The following PCSK7 variants were observed in gnomAD, a reference collection of about 807,000 sequenced individuals.
PCSK7 encodes lymphoma proprotein convertase.
A neutral mutation model predicts 73.3 loss-of-function variants in PCSK7; 38 were observed. That is an observed-to-expected ratio of 0.52 (90% CI 0.40 to 0.68). The LOEUF (loss-of-function observed/expected upper bound fraction) is 0.68. Ranked by LOEUF, PCSK7 falls within the 30% of genes least tolerant of loss-of-function variation. The pLI, the probability that PCSK7 is intolerant of heterozygous loss-of-function variation, is 0.00. For missense variants in PCSK7, 692 were observed against 991.5 expected, an observed-to-expected ratio of 0.70 and a Z score of 4.06; for synonymous variants, 296 against 383.8, an observed-to-expected ratio of 0.77 and a Z score of 2.68.
rs2031295683 is a variant in PCSK7 at position 117,205,183 on chromosome 11, G to A, written c.*814C>T. 4.3e-6 allele frequency: 1 copy of A among 233,276 alleles called. No homozygotes were observed. The highest frequency in any genetic ancestry group is 2.2e-5 in the African/African-American group (1 of 45,320). 14.5% of individuals were successfully genotyped at this position (233,276 alleles called of 1,614,324 possible). A position where few individuals can be genotyped will look rare whatever the true frequency, so the allele number is the denominator to read the frequency against. ...GCATTAAAAAAAATTCAACCAACTA[G>A]CTCAGAAGAGGGGAGAAGGCCAAGG... On this transcript the variant is annotated 3_prime_UTR_variant, in exon 17 of 17. Transcript: ENST00000320934.
chr11:117,206,465 T>G, intron 16 of PCSK7, 109 bp from the exon 17 acceptor site: 1 of 1,471,780 alleles, frequency 6.8e-7, no homozygotes, highest in Non-Finnish European at 9.1e-7. Context: ...GGGACTGCCT[T>G]TTTCACCCAA....
In PCSK7 at chr11:117,205,437, C is replaced by T. The variant is rs1053044352; in HGVS notation, c.*560G>A. The T allele has an allele frequency of 3.0e-5, 7 of 233,814 alleles. No homozygotes were observed. Among genetic ancestry groups the T allele is most frequent in the East Asian group, 1.8e-4 (3 of 16,582 alleles). The allele number at this position is 233,814 out of a possible 1,614,324, so 14.5% of individuals were successfully genotyped here. ...GGAGCCGTGTGTATCCCAGCTGTGC[C>T]GGCAGCATCATACCAATCGTGGGGG... On this transcript the variant is annotated 3_prime_UTR_variant, in exon 17 of 17. Transcript: ENST00000320934.
At chr11:117,219,533 A>C in intron 10 of PCSK7, 58 bp downstream of exon 10, 5 of 1,523,404 alleles carry the variant, frequency 3.3e-6, no homozygotes, top group Non-Finnish European at 4.5e-6. Flanking sequence ...AGGCCACCTG[A>C]TACCCGAACT....
intron 12 of PCSK7, chr11:117,213,689 T>A (rs1350656895): frequency 1.3e-5 from 2 of 152,202 alleles, no homozygotes; most frequent in Admixed American, 1.3e-4. Flanking sequence ...GCGTTCGCAG[T>A]GTACGCAGTG....
rs1418479421 is a variant in PCSK7 at position 117,228,302 on chromosome 11, C to G, written c.517G>C (p.Glu173Gln). 2 of 1,613,860 alleles carry G rather than the reference C, an allele frequency of 1.2e-6. No individual in the cohort carries two copies. The highest frequency in any genetic ancestry group is 1.7e-6 in the Non-Finnish European group (2 of 1,179,870). The change falls in exon 4 of 17, where the codon GAA (glutamate) becomes CAA (glutamine). Residue 173 changes from glutamate to glutamine, a missense_variant. By Grantham distance (29) the Glu-to-Gln change is conservative (BLOSUM62 2). This residue lies in a region of PCSK7 where 574 missense variants were observed against 689.8 expected (regional missense o/e 0.83). Transcript: ENST00000320934. Reference sequence around the variant, plus strand: ...ACCCCTCGCCCAGTCACATTGCGTTCCCACACACCCGTCACGTTGATGTCC... The same window carrying G: ...ACCCCTCGCCCAGTCACATTGCGTTGCCACACACCCGTCACGTTGATGTCC... ...GRDINVTGVW[E>Q]RNVTGRGVTV...
chr11:117,227,394 G>A (rs2032471966), intron 4 of PCSK7, 72 bp from the exon 5 acceptor site: 4 of 1,148,256 alleles, frequency 3.5e-6, no homozygotes, highest in Non-Finnish European at 5.3e-6. Context: ...TTCAGGGACA[G>A]AAAGGAAATG....
chr11:117,212,788 AC>A (rs1374472971), intron 12 of PCSK7: 1 of 146,732 alleles, frequency 6.8e-6, no homozygotes, highest in Non-Finnish European at 1.5e-5. Flanking sequence ...ATCTCAGCTC[AC>A]TGCAACCTCC....
Position 117,219,167 on chromosome 11 carries a change from G to T in PCSK7, c.1324-3C>A. 1.3e-6 allele frequency: 2 copies of T among 1,597,716 alleles called. No homozygotes were observed. Among genetic ancestry groups the T allele is most frequent in the Non-Finnish European group, 1.7e-6 (2 of 1,170,042 alleles). On this transcript the variant is annotated splice_polypyrimidine_tract_variant and splice_region_variant and intron_variant, in intron 10 of 16. Transcript: ENST00000320934. ...CACTCTGCACGGCGATCCTCATACT[G>T]AAAGGACAGAGGTCCTGGTTAGTCT...
rs371580893 is a variant in PCSK7 at position 117,219,767 on chromosome 11, G to A, written c.1156-9C>T. ...TCCCAGTCAGTGGTCACCTGGAAGT[G>A]AAACAGGAAAAGGAAGTAGGTTAGA... On this transcript the variant is annotated splice_polypyrimidine_tract_variant and intron_variant, in intron 9 of 16. Transcript: ENST00000320934. The A allele has an allele frequency of 9.6e-6, 15 of 1,568,170 alleles. No individual in the cohort carries two copies. The highest frequency in any genetic ancestry group is 1.3e-5 in the Non-Finnish European group (15 of 1,157,300).
At chr11:117,217,435 G>A (rs2032030554) in intron 12 of PCSK7, 1 of 152,204 alleles carries the variant, frequency 6.6e-6, no homozygotes, top group African/African-American at 2.4e-5. Flanking sequence ...GACGCTTTAT[G>A]CCCTTTCCAA....
At chr11:117,213,276 A>C (rs2031811799) in intron 12 of PCSK7, 1 of 152,234 alleles carries the variant, frequency 6.6e-6, no homozygotes, top group African/African-American at 2.4e-5. Context: ...CGATTGAGAG[A>C]TATTTCACAG....
intron 1 of PCSK7, among the ~76,000 whole-genome samples, chr11:117,231,487 C>T (rs1284650576): frequency 6.6e-6 from 1 of 152,152 alleles, no homozygotes; most frequent in African/African-American, 2.4e-5. Flanking sequence ...AGACAGTGGC[C>T]CCGCTAGGCA....
chr11:117,221,406 G>C (rs45446695), intron 9 of PCSK7: 1 of 152,174 alleles, frequency 6.6e-6, no homozygotes, highest in African/African-American at 2.4e-5. Context: ...TGAAGCCCAC[G>C]AACTTGTCTA....
Position 117,223,298 on chromosome 11 carries a change from A to G in PCSK7, c.1065T>C (p.Asp355=). 6.2e-7 allele frequency: 1 copy of G among 1,604,372 alleles called. No individual in the cohort carries two copies. The highest frequency in any genetic ancestry group is 8.5e-7 in the Non-Finnish European group (1 of 1,171,198). ...CATAGAAAGGCATGCGTCCCTCCTCATCCACAGCTCCTAGGGACAGAGGAG... is the reference window on the plus strand; with the variant it reads ...CATAGAAAGGCATGCGTCCCTCCTCGTCCACAGCTCCTAGGGACAGAGGAG... ...SIYTVTIGAV[D]EEGRMPFYAE... is the part of the protein sequence containing the mutation. Residue 355 remains aspartate (D), a synonymous_variant, in exon 9 of 17, where the codon GAT becomes GAC. Coordinates refer to ENST00000320934, the MANE Select transcript of PCSK7 (RefSeq NM_004716.4).
At chr11:117,214,044 C>T (rs753584578) in intron 12 of PCSK7, 1 of 149,734 alleles carries the variant, frequency 6.7e-6, no homozygotes, top group Admixed American at 6.7e-5. Flanking sequence ...GCAACCTCCA[C>T]CTCCCAGGTT....
chr11:117,204,791 C>T lies in PCSK7; in HGVS notation c.*1206G>A, dbSNP rs2031273473. On this transcript the variant is annotated 3_prime_UTR_variant, in exon 17 of 17. Coordinates refer to ENST00000320934, the MANE Select transcript of PCSK7 (RefSeq NM_004716.4). ...AAAAAAAAAAAAATCAATCTTTTCT[C>T]AGGCCTGGCTGGCAGAGTTTGATTT... 3.2e-6 allele frequency: 1 copy of T among 313,184 alleles called. No homozygotes were observed. The highest frequency in any genetic ancestry group is 6.2e-6 in the Non-Finnish European group (1 of 160,046). 19.4% of individuals were successfully genotyped at this position (313,184 alleles called of 1,614,324 possible).
intron 12 of PCSK7, chr11:117,213,951 T>TC (rs1565306608): frequency 5.0e-5 from 5 of 99,390 alleles, no homozygotes; most frequent in Non-Finnish European, 9.4e-5. Context: ...TTTTCTTTTC[T>TC]TTTTCTTTTT....
At chr11:117,223,685 C>A (rs1591802172) in intron 8 of PCSK7, 1 of 350,344 alleles carries the variant, frequency 2.9e-6, no homozygotes, top group East Asian at 5.6e-5. Flanking sequence ...TCTCGAGGAG[C>A]CTAGAGTCAG....
At chr11:117,231,191 A>G (rs1358824922) in intron 1 of PCSK7, 2 of 152,180 alleles carry the variant, frequency 1.3e-5, no homozygotes, top group Non-Finnish European at 2.9e-5. Context: ...GGCAGGGCTT[A>G]GTACTCAGAT....
Sources: allele counts gnomAD v4.1 joint callset (sites outside exome capture counted in the v4.1 genomes callset), GRCh38; gene constraint gnomAD v4.1.1; regional missense constraint gnomAD v4.1.1; transcripts MANE v1.5; gene names NCBI Gene and HGNC (gene_info 2026-07-23, HGNC 2026-07-21).